Variants in ZMYM2 observed in about 807,000 individuals in gnomAD.
The protein encoded by ZMYM2 is zinc finger MYM-type protein 2.
In ZMYM2, 56 loss-of-function variants were observed where a neutral mutation model predicts 162.8. The observed-to-expected ratio is 0.34, with a 90% CI of 0.28 to 0.43. The LOEUF is 0.43. Among genes scored for constraint, ZMYM2 ranks in the 20% least tolerant of loss-of-function variants. The pLI, the probability that ZMYM2 is intolerant of heterozygous loss-of-function variation, is 1.00. For synonymous variants in ZMYM2, 510 were observed against 541.6 expected (o/e 0.94, Z 0.81); for missense variants, 1,275 against 1,621.8 (o/e 0.79, Z 3.67).
rs533625014 is a variant in ZMYM2 at position 19,970,735 on chromosome 13, CT to C, written c.-11+10713del. ...ATAGTAAGGCAATAAGAGCATAGGT[CT>C]TTTCCCTCATGGACCTTGCAGTCTT... On this transcript the variant is annotated intron_variant, in intron 2 of 24. Transcript: ENST00000610343. Among the ~76,000 whole-genome samples the C allele has an allele frequency of 9.1e-4, 138 of 151,984 alleles. 1 individual carries two copies. Among genetic ancestry groups the C allele is most frequent in the African/African-American group, 2.8e-3 (116 of 41,482 alleles).
At position 20,082,137 on chromosome 13, in the gene ZMYM2, C is replaced by A; in HGVS notation, c.3568+7C>A. ...CCAAGCATACTTCCAGATGGTAATG[C>A]TATTTTCACTAAAGGTGTTGCTCTC... On this transcript the variant is annotated splice_region_variant and intron_variant, in intron 22 of 24. Coordinates refer to ENST00000610343, the MANE Select transcript of ZMYM2 (RefSeq NM_197968.4). 1 of 1,562,574 alleles carries A rather than the reference C, an allele frequency of 6.4e-7. No homozygotes were observed. The highest frequency in any genetic ancestry group is 8.7e-7 in the Non-Finnish European group (1 of 1,144,130).
the ZMYM2 span, among the ~76,000 whole-genome samples, chr13:19,949,713 G>A: frequency 6.6e-6 from 1 of 151,210 alleles, no homozygotes; most frequent in Non-Finnish European, 1.5e-5. Flanking sequence ...ATGGTGAAAC[G>A]CCGTTTCTAC....
the ZMYM2 span, among the ~76,000 whole-genome samples, chr13:19,932,832 T>G: frequency 6.6e-6 from 1 of 152,180 alleles, no homozygotes; most frequent in Non-Finnish European, 1.5e-5. Flanking sequence ...ATATTTTTGT[T>G]GTTTAAACCA....
chr13:20,083,645 T>C lies in ZMYM2; in HGVS notation c.3821-11T>C, dbSNP rs1025699086. The C allele has an allele frequency of 3.3e-6, 5 of 1,494,294 alleles. No individual in the cohort carries two copies. The African/African-American group carries it at 5.6e-5, about 17-fold the overall frequency. 92.6% of individuals were successfully genotyped at this position (1,494,294 alleles called of 1,614,324 possible). On this transcript the variant is annotated splice_polypyrimidine_tract_variant and intron_variant, in intron 23 of 24. Coordinates refer to ENST00000610343, the MANE Select transcript of ZMYM2 (RefSeq NM_197968.4). ...TAGTTTAGGAGGTTTATTTCACTTT[T>C]ATTTTTTAAGATAAAATTACTACTG...
chr13:19,953,169 T>C, the ZMYM2 span, among the ~76,000 whole-genome samples: 3 of 152,178 alleles, frequency 2.0e-5, no homozygotes, highest in African/African-American at 7.2e-5. Context: ...TATTGATAAA[T>C]TACCCAGTCT....
chr13:20,068,849 CCT>C (rs1956874541), intron 21 of ZMYM2, among the ~76,000 whole-genome samples: 1 of 152,036 alleles, frequency 6.6e-6, no homozygotes, highest in Admixed American at 6.6e-5. Flanking sequence ...GTTCTAGGCT[CCT>C]CTTGTTTTAA....
intron 7 of ZMYM2, chr13:20,024,361 A>G (rs1389588860): frequency 4.8e-6 from 1 of 206,784 alleles, no homozygotes; most frequent in Non-Finnish European, 9.9e-6. Flanking sequence ...GGGATCACAA[A>G]TCCAAGGAAT....
upstream of ZMYM2, among the ~76,000 whole-genome samples, chr13:19,954,359 G>A (rs1279586542): frequency 6.6e-6 from 1 of 151,520 alleles, no homozygotes; most frequent in Non-Finnish European, 1.5e-5. Context: ...CTTGTGATCC[G>A]CCCGCCTCGG....
At chr13:19,913,006 G>C in the ZMYM2 span, among the ~76,000 whole-genome samples, 1 of 152,136 alleles carries the variant, frequency 6.6e-6, no homozygotes, top group Non-Finnish European at 1.5e-5. Flanking sequence ...GAACAAAAAA[G>C]TTGCTAGTAT....
Position 19,993,594 on chromosome 13 carries a change from C to T in ZMYM2, c.522C>T (p.Ile174=). ...KVNAGMGNSG[I]TTEPDSEIQI... The stretch of plus-strand genomic sequence containing the variant: ...ATGCAGGAATGGGTAATAGTGGTAT[C>T]ACCACAGAACCAGACTCTGAAATTC... Residue 174 remains isoleucine, a synonymous_variant, in exon 3 of 25, where the codon ATC becomes ATT. Coordinates refer to ENST00000610343, the MANE Select transcript of ZMYM2 (RefSeq NM_197968.4). 2 of 1,614,144 alleles carry T rather than the reference C, an allele frequency of 1.2e-6. No individual in the cohort carries two copies. The highest frequency in any genetic ancestry group is 1.7e-6 in the Non-Finnish European group (2 of 1,180,020).
At chr13:19,939,927 C>G in the ZMYM2 span, among the ~76,000 whole-genome samples, 4 of 152,124 alleles carry the variant, frequency 2.6e-5, no homozygotes, top group Admixed American at 2.0e-4. Context: ...CTGTGGACTA[C>G]TACACAACAG....
At chr13:20,008,150 G>A (rs1229948054) in intron 6 of ZMYM2, among the ~76,000 whole-genome samples, 1 of 151,560 alleles carries the variant, frequency 6.6e-6, no homozygotes, top group Non-Finnish European at 1.5e-5. Flanking sequence ...TTTGTTTTGA[G>A]ACAGGGTCTT....
Position 20,003,351 on chromosome 13 carries a change from T to C in ZMYM2, c.1133+216T>C, listed in dbSNP as rs180836599. Among the ~76,000 whole-genome samples the C allele has an allele frequency of 1.7e-3, 259 of 152,344 alleles. 8 individuals are homozygous for C. In the East Asian group the frequency reaches 0.049, roughly 29 times the overall value. On this transcript the variant is annotated intron_variant, in intron 4 of 24. Transcript: ENST00000610343. The stretch of plus-strand genomic sequence containing the variant: ...GTAATCTCCATTGGACTCTTTGATT[T>C]TGTAACAATACATACTTATTTACAT...
the ZMYM2 span, among the ~76,000 whole-genome samples, chr13:19,949,435 A>G: frequency 6.6e-6 from 1 of 152,040 alleles, no homozygotes; most frequent in Non-Finnish European, 1.5e-5. Context: ...ACAAAAACAG[A>G]AAACAAAAAT....
the ZMYM2 span, among the ~76,000 whole-genome samples, chr13:19,920,594 GAGA>G: frequency 1.3e-5 from 2 of 151,756 alleles, no homozygotes; most frequent in African/African-American, 4.8e-5. Flanking sequence ...GAAAGAGGAG[GAGA>G]AGAACACTGA....
At chr13:20,068,872 C>A (rs919802719) in intron 21 of ZMYM2, among the ~76,000 whole-genome samples, 7 of 152,078 alleles carry the variant, frequency 4.6e-5, no homozygotes, top group Non-Finnish European at 1.0e-4. Flanking sequence ...TTCATTCCTA[C>A]TTTTGGGGGC....
chr13:19,907,061 G>C, the ZMYM2 span, among the ~76,000 whole-genome samples: 8 of 152,014 alleles, frequency 5.3e-5, no homozygotes, highest in African/African-American at 1.9e-4. Flanking sequence ...GTTCATAATG[G>C]CTTCTTCTTA....
chr13:20,077,163 C>T (rs1957565017), intron 21 of ZMYM2, among the ~76,000 whole-genome samples: 1 of 150,630 alleles, frequency 6.6e-6, no homozygotes, highest in East Asian at 1.9e-4. Context: ...ATTTAGCAAA[C>T]ATTAAGTGCT....
At chr13:19,911,599 A>C in the ZMYM2 span, among the ~76,000 whole-genome samples, 1 of 152,188 alleles carries the variant, frequency 6.6e-6, no homozygotes, top group African/African-American at 2.4e-5. Context: ...AGAAGACCCA[A>C]AAGGTCACTG....
Sources: allele counts gnomAD v4.1 joint callset (sites outside exome capture counted in the v4.1 genomes callset), GRCh38; gene constraint gnomAD v4.1.1; transcripts MANE v1.5; gene names NCBI Gene and HGNC (gene_info 2026-07-23, HGNC 2026-07-21).